MGAT5: variants seen among roughly 807,000 people sequenced by gnomAD.
The protein encoded by MGAT5 is alpha-1,6-mannosylglycoprotein 6-beta-N-acetylglucosaminyltransferase A.
In MGAT5, 30 loss-of-function variants were observed where a neutral mutation model predicts 94.3. The observed-to-expected ratio is 0.32, with a 90% CI of 0.24 to 0.43. The LOEUF is 0.43. Among genes scored for constraint, MGAT5 ranks in the 20% least tolerant of loss-of-function variants. The probability of loss-of-function intolerance (pLI) is 1.00; values close to 1 mark genes in which losing one functional copy is unlikely to be tolerated. For missense variants in MGAT5, 691 were observed against 905.5 expected, an observed-to-expected ratio of 0.76 and a Z score of 3.04; for synonymous variants, 310 against 322.9, an observed-to-expected ratio of 0.96 and a Z score of 0.43.
At chr2:134,293,969 A>T (rs769829250) in intron 2 of MGAT5, among the ~76,000 whole-genome samples, 19 of 152,154 alleles carry the variant, frequency 1.2e-4, no homozygotes, top group Non-Finnish European at 1.5e-5. Context: ...TAGGCAGGTA[A>T]CTTGCCCCCT....
chr2:134,176,311 G>C (rs781471756), intron 1 of MGAT5, among the ~76,000 whole-genome samples: 2 of 146,034 alleles, frequency 1.4e-5, no homozygotes, highest in Non-Finnish European at 3.0e-5. Flanking sequence ...AGTGGTTCAC[G>C]CCTGTAATCC....
intron 14 of MGAT5, among the ~76,000 whole-genome samples, chr2:134,441,461 G>A (rs988790633): frequency 1.3e-5 from 2 of 152,214 alleles, no homozygotes; most frequent in Non-Finnish European, 2.9e-5. Context: ...CCCTTCACGG[G>A]CAGGCGTGGT....
Position 134,270,526 on chromosome 2 carries a change from G to A in MGAT5, c.382G>A (p.Ala128Thr), listed in dbSNP as rs375549383. 5 of 1,614,120 alleles carry A rather than the reference G, an allele frequency of 3.1e-6. No individual in the cohort carries two copies. Among genetic ancestry groups the A allele is most frequent in the Non-Finnish European group, 3.4e-6 (4 of 1,179,990 alleles). ...CACTACAGCTGTTCCCAGCTTGGTT[G>A]CACTTGAGAAAATTAATGTGGCAGG... ...NSTTAVPSLV[A>T]LEKINVADII... Residue 128 changes from alanine (A) to threonine (T), a missense_variant, in exon 2 of 16, where the codon GCA becomes ACA. By Grantham distance (58) the Ala-to-Thr change is moderately conservative (BLOSUM62 0). Transcript: ENST00000281923.
chr2:134,327,589 A>G (rs1338248268), intron 4 of MGAT5, among the ~76,000 whole-genome samples: 1 of 152,146 alleles, frequency 6.6e-6, no homozygotes, highest in Non-Finnish European at 1.5e-5. Context: ...ACAAGGTTTC[A>G]TCAGCTACTA....
chr2:134,119,943 G>C (rs1203966224), upstream of MGAT5: 1 of 151,930 alleles, frequency 6.6e-6, no homozygotes, highest in East Asian at 1.9e-4. Context: ...CTAGAGCCGC[G>C]AGCCCAGAAG....
intron 1 of MGAT5, among the ~76,000 whole-genome samples, chr2:134,222,737 TGAGGGCTTTAA>T (rs1239941309): frequency 6.6e-6 from 1 of 152,286 alleles, no homozygotes; most frequent in African/African-American, 2.4e-5. Context: ...TCCCTATGGC[TGAGGGCTTTAA>T]GAGTCAAAAG....
chr2:134,254,676 A>C (rs763510053), intron 1 of MGAT5, 32 bp downstream of exon 1: 1 of 1,612,028 alleles, frequency 6.2e-7, no homozygotes, highest in Non-Finnish European at 8.5e-7. Context: ...TCTCCATTAA[A>C]GTGTGCCTTG....
At chr2:134,258,618 TTG>T (rs59554396) in intron 1 of MGAT5, among the ~76,000 whole-genome samples, 48 of 151,862 alleles carry the variant, frequency 3.2e-4, no homozygotes, top group African/African-American at 1.1e-3. Flanking sequence ...CTACTGGATT[TTG>T]TGTGTGTGTG....
intron 2 of MGAT5, among the ~76,000 whole-genome samples, chr2:134,317,116 G>A (rs771051384): frequency 1.3e-5 from 2 of 152,108 alleles, no homozygotes; most frequent in African/African-American, 2.4e-5. Context: ...TTGTCTTCAC[G>A]AGGTCTGTTC....
intron 1 of MGAT5, among the ~76,000 whole-genome samples, chr2:134,218,831 C>T (rs927441481): frequency 1.4e-4 from 21 of 152,108 alleles, no homozygotes; most frequent in African/African-American, 5.1e-4. Context: ...ACTATTCATT[C>T]GATTAGCCTG....
At chr2:134,181,839 T>C (rs1244332178) in intron 1 of MGAT5, among the ~76,000 whole-genome samples, 1 of 152,204 alleles carries the variant, frequency 6.6e-6, no homozygotes, top group East Asian at 1.9e-4. Context: ...AATTCCTGTT[T>C]AGAATTGTTG....
intron 2 of MGAT5, among the ~76,000 whole-genome samples, chr2:134,314,193 C>G (rs1228393982): frequency 1.3e-5 from 2 of 152,196 alleles, no homozygotes; most frequent in Admixed American, 6.5e-5. Context: ...GTCACAGATT[C>G]CCTCTACCTG....
intron 1 of MGAT5, among the ~76,000 whole-genome samples, chr2:134,158,341 C>G (rs1687575952): frequency 6.6e-6 from 1 of 152,232 alleles, no homozygotes; most frequent in South Asian, 2.1e-4. Context: ...CTAAGCGCCC[C>G]CTTGGCTTCC....
intron 12 of MGAT5, among the ~76,000 whole-genome samples, chr2:134,418,471 T>C (rs1221800130): frequency 6.6e-6 from 1 of 152,192 alleles, no homozygotes; most frequent in East Asian, 1.9e-4. Context: ...GAGGGCAGGA[T>C]GCAGAGGGGA....
At chr2:134,411,584 G>A (rs189548599) in intron 11 of MGAT5, among the ~76,000 whole-genome samples, 2 of 152,374 alleles carry the variant, frequency 1.3e-5, no homozygotes, top group South Asian at 2.1e-4. Flanking sequence ...TCCTTCAGGA[G>A]CTACCTGGTT....
In MGAT5 at chr2:134,390,510, A is replaced by G. The variant is rs1459215467; in HGVS notation, c.1381-12478A>G. Among the ~76,000 whole-genome samples, 3 of 152,346 alleles carry G rather than the reference A, an allele frequency of 2.0e-5. No homozygotes were observed. In the East Asian group the frequency reaches 5.8e-4, roughly 29 times the overall value. ...TAATGCTATCTTTTTTAAATCAGAAAATATAGAAAGGAATTATTTTTATTT... is the reference window on the plus strand; with the variant it reads ...TAATGCTATCTTTTTTAAATCAGAAGATATAGAAAGGAATTATTTTTATTT... On this transcript the variant is annotated intron_variant, in intron 10 of 15. Transcript: ENST00000281923.
chr2:134,213,377 C>G (rs1353191552), intron 1 of MGAT5, among the ~76,000 whole-genome samples: 1 of 136,676 alleles, frequency 7.3e-6, no homozygotes, highest in African/African-American at 2.6e-5. Flanking sequence ...TGAAGAGGGT[C>G]AGTGTCAAAA....
At chr2:134,172,213 G>A (rs575821322) in intron 1 of MGAT5, among the ~76,000 whole-genome samples, 3 of 152,132 alleles carry the variant, frequency 2.0e-5, no homozygotes. Context: ...ACATCATCAT[G>A]GTGTCAGTGG....
At chr2:134,360,964 T>C (rs566892517) in intron 9 of MGAT5, among the ~76,000 whole-genome samples, 1 of 152,372 alleles carries the variant, frequency 6.6e-6, no homozygotes, top group Admixed American at 6.5e-5. Context: ...AGTTTTTACA[T>C]GGCTCGTGCA....
Sources: allele counts gnomAD v4.1 joint callset (sites outside exome capture counted in the v4.1 genomes callset), GRCh38; gene constraint gnomAD v4.1.1; transcripts MANE v1.5; gene names NCBI Gene and HGNC (gene_info 2026-07-23, HGNC 2026-07-21).